The following TYW1 variants were observed in gnomAD, a reference collection of about 807,000 sequenced individuals.
TYW1 encodes S-adenosyl-L-methionine-dependent tRNA 4-demethylwyosine synthase TYW1.
In TYW1, 46 loss-of-function variants were observed where a neutral mutation model predicts 96.2. The ratio of observed to expected loss-of-function variants is 0.48; its 90% CI spans 0.38 to 0.61. The LOEUF is 0.61. Ranked by LOEUF, TYW1 falls within the 20% of genes least tolerant of loss-of-function variation. The probability of loss-of-function intolerance (pLI) is 0.00; values close to 1 mark genes in which losing one functional copy is unlikely to be tolerated. For synonymous variants in TYW1, 274 were observed against 323.0 expected (o/e 0.85, Z 1.63); for missense variants, 684 against 909.6 (o/e 0.75, Z 3.19).
chr7:67,207,717 CTTTTTTTTT>C (rs749961615), intron 15 of TYW1, among the ~76,000 whole-genome samples: 1 of 103,462 alleles, frequency 9.7e-6, no homozygotes, highest in African/African-American at 3.5e-5. Flanking sequence ...TTTTGTTTGC[CTTTTTTTTT>C]TTTTTTTTTT....
intron 13 of TYW1, among the ~76,000 whole-genome samples, chr7:67,126,662 A>G (rs962306821): frequency 6.6e-6 from 1 of 152,154 alleles, no homozygotes; most frequent in African/African-American, 2.4e-5. Context: ...GTGTTCGTCT[A>G]GATTCTTTTT....
At chr7:67,216,848 T>C (rs1166423791) in intron 15 of TYW1, among the ~76,000 whole-genome samples, 1 of 151,818 alleles carries the variant, frequency 6.6e-6, no homozygotes, top group African/African-American at 2.4e-5. Flanking sequence ...AATTATTTAG[T>C]AGTATTTTTT....
At chr7:67,066,069 T>C (rs1795860060) in intron 9 of TYW1, among the ~76,000 whole-genome samples, 1 of 152,078 alleles carries the variant, frequency 6.6e-6, no homozygotes, top group Non-Finnish European at 1.5e-5. Context: ...TACTCATTCG[T>C]GTCTCTGCTT....
At chr7:67,040,775 C>T (rs1287892769) in intron 7 of TYW1, among the ~76,000 whole-genome samples, 6 of 151,466 alleles carry the variant, frequency 4.0e-5, no homozygotes, top group East Asian at 1.9e-4. Flanking sequence ...TCCCAGGAGG[C>T]GGAGGTTGTA....
chr7:67,029,346 T>C (rs1460095666), intron 7 of TYW1, among the ~76,000 whole-genome samples: 1 of 148,910 alleles, frequency 6.7e-6, no homozygotes, highest in African/African-American at 2.5e-5. Flanking sequence ...AAAATGTGCA[T>C]TTATATTTGC....
chr7:67,166,323 AAC>A (rs1352465600), intron 13 of TYW1, among the ~76,000 whole-genome samples: 20 of 125,680 alleles, frequency 1.6e-4, no homozygotes, highest in Non-Finnish European at 2.4e-4. Context: ...TATAATATAT[AAC>A]ATATATAATA....
In TYW1 at chr7:67,131,169, C is replaced by A. The variant is rs1798061728; in HGVS notation, c.1698+13551C>A. ...CAAGGTTTGGATACTGGCTCTGCCACCTATTGTGTGTGTAATTTTGGGCAA... is the reference window on the plus strand; with the variant it reads ...CAAGGTTTGGATACTGGCTCTGCCAACTATTGTGTGTGTAATTTTGGGCAA... On this transcript the variant is annotated intron_variant, in intron 13 of 15. Transcript: ENST00000359626. Among the ~76,000 whole-genome samples the A allele has an allele frequency of 2.0e-5, 3 of 151,836 alleles. No individual in the cohort carries two copies. The South Asian group carries it at 6.2e-4, about 32-fold the overall frequency.
Position 67,013,739 on chromosome 7 carries a change from CTTTTTT to C in TYW1, c.376-611_376-606del, listed in dbSNP as rs931500833. 3.9e-3 allele frequency among the ~76,000 whole-genome samples: 382 copies of C among 97,546 alleles called. 2 individuals carry two copies. Among genetic ancestry groups the C allele is most frequent in the African/African-American group, 0.015 (353 of 23,074 alleles). The allele number at this position is 97,546 out of a possible 152,430, so 64.0% of individuals were successfully genotyped here. A position where few individuals can be genotyped will look rare whatever the true frequency, so the allele number is the denominator to read the frequency against. Reference sequence around the variant, plus strand: ...CCTGGCCATCTCTCTGCATTTTTTCCTTTTTTTTTTTTTTTTTTTTTTGAGATGGAG... The same window carrying C: ...CCTGGCCATCTCTCTGCATTTTTTCCTTTTTTTTTTTTTTTTGAGATGGAG... On this transcript the variant is annotated intron_variant, in intron 4 of 15. Coordinates refer to ENST00000359626, the MANE Select transcript of TYW1 (RefSeq NM_018264.4).
rs1430069945 is a variant in TYW1 at position 67,029,413 on chromosome 7, G to GTATATATATA, written c.984+4392_984+4393insATATATATAT. On this transcript the variant is annotated intron_variant, in intron 7 of 15. Coordinates refer to ENST00000359626, the MANE Select transcript of TYW1 (RefSeq NM_018264.4). The stretch of plus-strand genomic sequence containing the variant: ...TGTGTGTGTGTGTGTGTGTGTGTGT[G>GTATATATATA]TGTATATATATATATATATAAATAG... Among the ~76,000 whole-genome samples the GTATATATATA allele has an allele frequency of 9.9e-4, 93 of 93,468 alleles. 2 individuals are homozygous for GTATATATATA. Among genetic ancestry groups the GTATATATATA allele is most frequent in the Middle Eastern group, 5.9e-3 (1 of 170 alleles). The allele number at this position is 93,468 out of a possible 152,430, so 61.3% of individuals were successfully genotyped here. A position where few individuals can be genotyped will look rare whatever the true frequency, so the allele number is the denominator to read the frequency against.
intron 13 of TYW1, among the ~76,000 whole-genome samples, chr7:67,125,694 G>A (rs1204928750): frequency 1.3e-5 from 2 of 152,054 alleles, no homozygotes; most frequent in African/African-American, 4.8e-5. Flanking sequence ...TAGTTTCACT[G>A]CCCTAAGAAT....
At chr7:67,207,500 T>C (rs1182988816) in intron 15 of TYW1, among the ~76,000 whole-genome samples, 1 of 152,142 alleles carries the variant, frequency 6.6e-6, no homozygotes, top group Non-Finnish European at 1.5e-5. Context: ...CATACCTTCC[T>C]TTTTCTGCAG....
chr7:67,062,577 A>AAAAAAAAAAAAAAAAAAAG (rs773963932), intron 9 of TYW1, among the ~76,000 whole-genome samples: 10 of 147,110 alleles, frequency 6.8e-5, no homozygotes, highest in Non-Finnish European at 1.4e-4. Flanking sequence ...AAAAAAAAAA[A>AAAAAAAAAAAAAAAAAAAG]AAAAGAAAAG....
intron 13 of TYW1, among the ~76,000 whole-genome samples, chr7:67,121,499 C>T (rs1302329810): frequency 6.6e-6 from 1 of 152,214 alleles, no homozygotes; most frequent in Non-Finnish European, 1.5e-5. Context: ...CGAGATCGCA[C>T]CATTGCACTC....
intron 13 of TYW1, among the ~76,000 whole-genome samples, chr7:67,135,300 CAG>C (rs1798211488): frequency 8.4e-6 from 1 of 119,620 alleles, no homozygotes; most frequent in African/African-American, 3.7e-5. Flanking sequence ...GATGTTAAAA[CAG>C]TTTTTTTTTT....
At chr7:67,188,588 A>G (rs1800102394) in intron 14 of TYW1, among the ~76,000 whole-genome samples, 1 of 152,186 alleles carries the variant, frequency 6.6e-6, no homozygotes, top group African/African-American at 2.4e-5. Flanking sequence ...AAAGGACAGA[A>G]GACTAGGCCC....
At chr7:67,156,805 G>A (rs1375903234) in intron 13 of TYW1, among the ~76,000 whole-genome samples, 2 of 151,628 alleles carry the variant, frequency 1.3e-5, no homozygotes, top group African/African-American at 4.9e-5. Context: ...CCTGGTGTGA[G>A]TGGGACCCAG....
Position 67,175,232 on chromosome 7 carries a change from C to T in TYW1, c.1699-7894C>T, listed in dbSNP as rs190196194. 6.8e-3 allele frequency among the ~76,000 whole-genome samples: 1,000 copies of T among 147,018 alleles called. 16 individuals carry two copies. Among genetic ancestry groups the T allele is most frequent in the African/African-American group, 0.024 (924 of 39,270 alleles). ...TATTGCCCAGGCTGGAGTGCGATGG[C>T]GTGATCTCAGCTCACCGCAACCTCC... On this transcript the variant is annotated intron_variant, in intron 13 of 15. Coordinates refer to ENST00000359626, the MANE Select transcript of TYW1 (RefSeq NM_018264.4).
At chr7:67,166,934 A>G (rs10246747) in intron 13 of TYW1, among the ~76,000 whole-genome samples, 42,566 of 152,076 alleles carry the variant, frequency 0.28, 6,516 homozygotes, top group African/African-American at 0.4. Flanking sequence ...TCATTAGTAG[A>G]TAGTGCCAGA....
intron 15 of TYW1, among the ~76,000 whole-genome samples, chr7:67,218,705 T>C (rs1306302161): frequency 2.6e-5 from 4 of 152,192 alleles, no homozygotes; most frequent in South Asian, 4.1e-4. Context: ...TTTCAGATTG[T>C]TCATTATTAG....
Sources: allele counts gnomAD v4.1 joint callset (sites outside exome capture counted in the v4.1 genomes callset), GRCh38; gene constraint gnomAD v4.1.1; transcripts MANE v1.5; gene names NCBI Gene and HGNC (gene_info 2026-07-23, HGNC 2026-07-21).